CNOT6L: variants seen among roughly 807,000 people sequenced by gnomAD.
CNOT6L encodes the protein CCR4-NOT transcription complex subunit 6 like, also known as CCR4-NOT transcription complex subunit 6-like.
Under a neutral mutation model 64.0 loss-of-function variants are expected in CNOT6L, and 7 were observed. The observed-to-expected ratio is 0.11, with a 90% CI of 0.06 to 0.21. The LOEUF is 0.21. Ranked by LOEUF, CNOT6L falls within the 10% of genes least tolerant of loss-of-function variation. The probability of loss-of-function intolerance (pLI) is 1.00; values close to 1 mark genes in which losing one functional copy is unlikely to be tolerated. For synonymous variants in CNOT6L, 193 were observed against 243.4 expected, an observed-to-expected ratio of 0.79 and a Z score of 1.93; for missense variants, 245 against 669.0, an observed-to-expected ratio of 0.37 and a Z score of 6.99.
chr4:77,765,508 A>C (rs1010148399), intron 4 of CNOT6L, among the ~76,000 whole-genome samples: 1 of 152,248 alleles, frequency 6.6e-6, no homozygotes, highest in Non-Finnish European at 1.5e-5. Flanking sequence ...GAATACATTA[A>C]TTCAATTTTA....
At chr4:77,780,562 T>C (rs1377949853) in intron 1 of CNOT6L, among the ~76,000 whole-genome samples, 2 of 152,206 alleles carry the variant, frequency 1.3e-5, no homozygotes, top group Non-Finnish European at 2.9e-5. Flanking sequence ...TCTTTATTTC[T>C]TAGCGTGTCT....
chr4:77,773,953 A>T (rs1466490547), intron 3 of CNOT6L, among the ~76,000 whole-genome samples: 1 of 152,194 alleles, frequency 6.6e-6, no homozygotes, highest in Non-Finnish European at 1.5e-5. Context: ...GTGAAGAACA[A>T]GATTTTAAAA....
At chr4:77,721,314 A>C (rs146874235) in intron 11 of CNOT6L, among the ~76,000 whole-genome samples, 194 of 152,314 alleles carry the variant, frequency 1.3e-3, no homozygotes, top group African/African-American at 4.5e-3. Flanking sequence ...TAGCAGTTTT[A>C]TCTGTCAGAG....
At chr4:77,819,818 G>A (rs1734092861), upstream of CNOT6L, among the ~76,000 whole-genome samples, 1 of 151,462 alleles carries the variant, frequency 6.6e-6, no homozygotes, top group South Asian at 2.1e-4. Context: ...CGGCGCGGAA[G>A]GCGGCTGAAG....
intron 1 of CNOT6L, among the ~76,000 whole-genome samples, chr4:77,793,494 T>C (rs1042150580): frequency 1.3e-5 from 2 of 152,162 alleles, no homozygotes; most frequent in Non-Finnish European, 1.5e-5. Flanking sequence ...ACATGGTTAG[T>C]GGGTGGCACA....
At chr4:77,780,027 C>T (rs543443607) in intron 1 of CNOT6L, among the ~76,000 whole-genome samples, 14 of 152,270 alleles carry the variant, frequency 9.2e-5, no homozygotes, top group Admixed American at 7.8e-4. Context: ...CCTTTCCATT[C>T]AGCTTTATTT....
intron 1 of CNOT6L, among the ~76,000 whole-genome samples, chr4:77,776,903 G>A (rs925920655): frequency 5.3e-5 from 8 of 152,114 alleles, no homozygotes; most frequent in Non-Finnish European, 1.0e-4. Context: ...CTCTCCTGCT[G>A]GTCATAAACA....
intron 1 of CNOT6L, among the ~76,000 whole-genome samples, chr4:77,779,427 T>A (rs910999705): frequency 6.6e-6 from 1 of 152,194 alleles, no homozygotes; most frequent in African/African-American, 2.4e-5. Context: ...ATAATTACCA[T>A]CTTTTCTGGT....
At position 77,746,988 on chromosome 4, in the gene CNOT6L, T is replaced by C. The variant is rs140835094; in HGVS notation, c.559+1328A>G. 3.2e-3 allele frequency among the ~76,000 whole-genome samples: 484 copies of C among 151,904 alleles called. 4 individuals are homozygous for C. Among genetic ancestry groups the C allele is most frequent in the Non-Finnish European group, 5.4e-3 (366 of 67,946 alleles). On this transcript the variant is annotated intron_variant, in intron 6 of 11. Transcript: ENST00000504123. ...ATATTATAATATTTTGTAGTGTTAT[T>C]AAAATGCAAATAGAACCATGAAGAG...
At chr4:77,771,675 C>T (rs1192925173) in intron 4 of CNOT6L, among the ~76,000 whole-genome samples, 2 of 152,158 alleles carry the variant, frequency 1.3e-5, no homozygotes, top group African/African-American at 4.8e-5. Context: ...ATTTATGAAA[C>T]TGAATAAGGA....
rs1720558571 is a variant in CNOT6L, at chr4:77,714,634, T to C, written c.*5797A>G. Reference sequence around the variant, plus strand: ...ACAACAACTGTACGAATGCCCATAGTGCACATCTCAGTGCTGCTGGTGTTT... The same window carrying C: ...ACAACAACTGTACGAATGCCCATAGCGCACATCTCAGTGCTGCTGGTGTTT... On this transcript the variant is annotated 3_prime_UTR_variant, in exon 12 of 12. Transcript: ENST00000504123. 6.6e-6 allele frequency: 1 copy of C among 152,520 alleles called. No individual in the cohort carries two copies. Among genetic ancestry groups the C allele is most frequent in the Admixed American group, 6.6e-5 (1 of 15,238 alleles). The allele number at this position is 152,520 out of a possible 1,614,324, so 9.4% of individuals were successfully genotyped here. A position where few individuals can be genotyped will look rare whatever the true frequency, so the allele number is the denominator to read the frequency against.
rs751430489 is a variant in CNOT6L at position 77,726,374 on chromosome 4, T to C, written c.1253-5A>G. ...TGCTTAAGTATTCCACAACACCTGG[T>C]AGAATAAAGAAGAGACACTTCCATT... On this transcript the variant is annotated splice_region_variant and splice_polypyrimidine_tract_variant and intron_variant, in intron 10 of 11. Transcript: ENST00000504123. 2.4e-5 allele frequency: 39 copies of C among 1,605,992 alleles called. No individual in the cohort carries two copies. Among genetic ancestry groups the C allele is most frequent in the South Asian group, 6.6e-5 (6 of 90,768 alleles).
At chr4:77,746,044 C>T (rs1379189383) in intron 6 of CNOT6L, among the ~76,000 whole-genome samples, 3 of 152,178 alleles carry the variant, frequency 2.0e-5, no homozygotes, top group Non-Finnish European at 4.4e-5. Flanking sequence ...ATTTCCAAGC[C>T]ACTACACTGT....
intron 1 of CNOT6L, among the ~76,000 whole-genome samples, chr4:77,805,152 A>G (rs1462017351): frequency 6.6e-6 from 1 of 152,230 alleles, no homozygotes. Context: ...CTCTATACCA[A>G]GAAACTACTG....
rs950882336 is a variant in CNOT6L, at chr4:77,742,358, A to G, written c.718-63T>C. ...GGAAAATGCTGATTAAGATATAAAA[A>G]TGTTCAGCATTATGAGTAAGATGTA... On this transcript the variant is annotated intron_variant, in intron 7 of 11. Coordinates refer to ENST00000504123, the MANE Select transcript of CNOT6L (RefSeq NM_144571.3). 2.1e-6 allele frequency: 3 copies of G among 1,408,416 alleles called. No homozygotes were observed. In the African/African-American group the frequency reaches 4.3e-5, roughly 20 times the overall value. 87.2% of individuals were successfully genotyped at this position (1,408,416 alleles called of 1,614,324 possible). A position where few individuals can be genotyped will look rare whatever the true frequency, so the allele number is the denominator to read the frequency against.
At chr4:77,764,055 T>C (rs566204754) in intron 4 of CNOT6L, among the ~76,000 whole-genome samples, 2 of 152,318 alleles carry the variant, frequency 1.3e-5, no homozygotes, top group East Asian at 1.9e-4. Flanking sequence ...TAGGTACACA[T>C]TTATCTCAAC....
chr4:77,769,726 A>G (rs1727323994), intron 4 of CNOT6L, among the ~76,000 whole-genome samples: 1 of 152,154 alleles, frequency 6.6e-6, no homozygotes, highest in African/African-American at 2.4e-5. Flanking sequence ...TTATTCTTTT[A>G]TATTATATTT....
At chr4:77,770,726 A>T (rs1727435765) in intron 4 of CNOT6L, among the ~76,000 whole-genome samples, 1 of 152,212 alleles carries the variant, frequency 6.6e-6, no homozygotes, top group African/African-American at 2.4e-5. Flanking sequence ...AATGAATGTA[A>T]ATCAGTGGCG....
intron 1 of CNOT6L, among the ~76,000 whole-genome samples, chr4:77,780,005 A>G (rs897923942): frequency 1.3e-5 from 2 of 152,180 alleles, no homozygotes; most frequent in African/African-American, 2.4e-5. Flanking sequence ...TCAGGAAATT[A>G]ACATTATTAA....
Sources: gnomAD v4.1 joint callset for allele counts (sites outside exome capture counted in the v4.1 genomes callset) on GRCh38, gnomAD v4.1.1 for gene constraint, MANE v1.5 for transcripts, NCBI Gene and HGNC (gene_info 2026-07-23, HGNC 2026-07-21) for gene names.